ZNF804B: variants seen among roughly 807,000 people sequenced by gnomAD.
The protein encoded by ZNF804B is zinc finger 804B.
In ZNF804B, 80 loss-of-function variants were observed where a neutral mutation model predicts 101.4. That is an observed-to-expected ratio of 0.79 (90% confidence interval 0.66 to 0.95). The LOEUF is 0.95. ZNF804B is among the 40% of genes least tolerant of loss of function. ZNF804B has a pLI of 0.00. For missense variants in ZNF804B, 1,673 were observed against 1,561.9 expected (o/e 1.07, Z -1.20); for synonymous variants, 622 against 558.8 (o/e 1.11, Z -1.59).
chr7:89,046,793 A>AT (rs200208824), intron 1 of ZNF804B, among the ~76,000 whole-genome samples: 2,152 of 150,794 alleles, frequency 0.014, 23 homozygotes, highest in Non-Finnish European at 0.022. Context: ...ATTACTTATC[A>AT]TTTTTTTTTA....
At chr7:88,908,870 C>T (rs1264350668) in intron 1 of ZNF804B, among the ~76,000 whole-genome samples, 1 of 151,716 alleles carries the variant, frequency 6.6e-6, no homozygotes, top group East Asian at 1.9e-4. Context: ...TCTCTTTGAA[C>T]ATTTCAGTTT....
chr7:89,007,072 A>T (rs1026121090), intron 1 of ZNF804B, among the ~76,000 whole-genome samples: 1 of 151,976 alleles, frequency 6.6e-6, no homozygotes, highest in Non-Finnish European at 1.5e-5. Context: ...CCTCTTTCTG[A>T]TTTCAATGCC....
At chr7:89,160,805 T>C (rs1164060430) in intron 1 of ZNF804B, among the ~76,000 whole-genome samples, 1 of 152,190 alleles carries the variant, frequency 6.6e-6, no homozygotes, top group African/African-American at 2.4e-5. Flanking sequence ...GCTAAGAACA[T>C]CATATCATCT....
chr7:89,327,744 G>T (rs749954174), intron 3 of ZNF804B, among the ~76,000 whole-genome samples: 2 of 151,702 alleles, frequency 1.3e-5, no homozygotes, highest in Non-Finnish European at 2.9e-5. Flanking sequence ...TGACTAAATG[G>T]ATTAATATCA....
intron 1 of ZNF804B, among the ~76,000 whole-genome samples, chr7:88,837,425 A>C (rs1791230218): frequency 6.6e-6 from 1 of 151,956 alleles, no homozygotes; most frequent in Non-Finnish European, 1.5e-5. Flanking sequence ...TTAACAAATA[A>C]ATTTTTTATT....
chr7:89,200,289 T>A (rs955928224), intron 1 of ZNF804B, among the ~76,000 whole-genome samples: 1 of 152,000 alleles, frequency 6.6e-6, no homozygotes, highest in Non-Finnish European at 1.5e-5. Context: ...CATTATTTAA[T>A]ATAGGGACAA....
intron 1 of ZNF804B, among the ~76,000 whole-genome samples, chr7:88,967,518 A>G (rs976778291): frequency 1.3e-5 from 2 of 151,544 alleles, no homozygotes; most frequent in African/African-American, 4.8e-5. Flanking sequence ...AGACCACTTC[A>G]TGTTAATGTC....
chr7:89,031,187 G>T, intron 1 of ZNF804B, among the ~76,000 whole-genome samples: 1 of 120,556 alleles, frequency 8.3e-6, no homozygotes, highest in South Asian at 2.8e-4. Flanking sequence ...ATATATATGT[G>T]TATATATATA....
intron 1 of ZNF804B, among the ~76,000 whole-genome samples, chr7:89,054,149 AAG>A (rs1789255064): frequency 6.6e-6 from 1 of 151,870 alleles, no homozygotes; most frequent in Non-Finnish European, 1.5e-5. Flanking sequence ...AGAAGTTCAT[AAG>A]TAGTTAGCCT....
intron 2 of ZNF804B, among the ~76,000 whole-genome samples, chr7:89,242,716 T>C (rs1278683438): frequency 2.6e-5 from 4 of 151,894 alleles, no homozygotes; most frequent in Non-Finnish European, 5.9e-5. Flanking sequence ...GATATCAAAA[T>C]GCATACTTTT....
chr7:89,173,082 C>A (rs563334378), intron 1 of ZNF804B, among the ~76,000 whole-genome samples: 1 of 152,158 alleles, frequency 6.6e-6, no homozygotes, highest in Non-Finnish European at 1.5e-5. Flanking sequence ...TCCTTTGAAC[C>A]TTTCTGTTTC....
chr7:89,121,706 C>T (rs1214839277), intron 1 of ZNF804B, among the ~76,000 whole-genome samples: 1 of 152,104 alleles, frequency 6.6e-6, no homozygotes, highest in Non-Finnish European at 1.5e-5. Context: ...TAAAGATTTA[C>T]CCAGAGGTAT....
In ZNF804B at chr7:89,337,060, A is replaced by T; in HGVS notation, c.*28A>T. The T allele has an allele frequency of 6.4e-7, 1 of 1,571,272 alleles. No homozygotes were observed. Among genetic ancestry groups the T allele is most frequent in the Non-Finnish European group, 8.6e-7 (1 of 1,157,866 alleles). ...AGTGTTAAAGCCCCTCCTGTGGATA[A>T]TTTTTTTAATTGTCACTACCTATAA... On this transcript the variant is annotated 3_prime_UTR_variant, in exon 4 of 4. Transcript: ENST00000333190.
chr7:89,152,096 C>T (rs1790886140), intron 1 of ZNF804B, among the ~76,000 whole-genome samples: 1 of 152,064 alleles, frequency 6.6e-6, no homozygotes, highest in South Asian at 2.1e-4. Flanking sequence ...GTGATTAACC[C>T]AACTGGGATA....
intron 1 of ZNF804B, among the ~76,000 whole-genome samples, chr7:89,087,311 C>A (rs2116320691): frequency 6.6e-6 from 1 of 150,710 alleles, no homozygotes. Context: ...GTGACTCTAA[C>A]CTCAACTATC....
At chr7:88,780,724 A>C (rs1790213336) in intron 1 of ZNF804B, among the ~76,000 whole-genome samples, 1 of 152,154 alleles carries the variant, frequency 6.6e-6, no homozygotes, top group African/African-American at 2.4e-5. Context: ...ACAAAAAACT[A>C]TAAAGACGCT....
chr7:89,156,505 T>A (rs1348091623), intron 1 of ZNF804B, among the ~76,000 whole-genome samples: 2 of 152,168 alleles, frequency 1.3e-5, no homozygotes, highest in African/African-American at 4.8e-5. Context: ...GCAGTCCTAA[T>A]AATTCACTTT....
chr7:88,950,371 A>G lies in ZNF804B; in HGVS notation c.108+190287A>G, dbSNP rs777186992. 4.9e-4 allele frequency among the ~76,000 whole-genome samples: 74 copies of G among 152,044 alleles called. No homozygotes were observed. The Middle Eastern group carries it at 0.01, about 21-fold the overall frequency. ...ATTTCAAAAAATAGATGATTCAATA[A>G]GAAAGCTAACTAGAGTCTGTTTTAA... On this transcript the variant is annotated intron_variant, in intron 1 of 3. Coordinates refer to ENST00000333190, the MANE Select transcript of ZNF804B (RefSeq NM_181646.5).
chr7:88,897,616 T>C (rs1447722410), intron 1 of ZNF804B, among the ~76,000 whole-genome samples: 2 of 152,188 alleles, frequency 1.3e-5, no homozygotes, highest in African/African-American at 4.8e-5. Flanking sequence ...GGAACTCGGA[T>C]TCCTCAATTT....
Sources: allele counts gnomAD v4.1 joint callset (sites outside exome capture counted in the v4.1 genomes callset), GRCh38; gene constraint gnomAD v4.1.1; transcripts MANE v1.5; gene names NCBI Gene and HGNC (gene_info 2026-07-23, HGNC 2026-07-21).